The following NUAK1 variants were observed in gnomAD, a reference collection of about 807,000 sequenced individuals.
NUAK1 encodes the protein NUAK family SNF1-like kinase 1.
NUAK1 carries 26 observed loss-of-function variants against 56.9 expected under a neutral mutation model. The ratio of observed to expected loss-of-function variants is 0.46; its 90% CI spans 0.33 to 0.63. NUAK1 has a LOEUF of 0.63. Ranked by LOEUF, NUAK1 falls within the 30% of genes least tolerant of loss-of-function variation. The pLI is 0.02. For missense variants in NUAK1, 727 were observed against 876.1 expected, an observed-to-expected ratio of 0.83 and a Z score of 2.15; for synonymous variants, 337 against 336.0, an observed-to-expected ratio of 1.00 and a Z score of -0.03.
chr12:106,138,763 C>T lies in NUAK1; in HGVS notation c.-110G>A. On this transcript the variant is annotated 5_prime_UTR_variant, in exon 1 of 7. It removes an upstream start codon present in the reference 5' UTR. Coordinates refer to ENST00000261402, the MANE Select transcript of NUAK1 (RefSeq NM_014840.3). This position sits in a 1 kb window ranked among gnomAD's most constrained non-coding sequence, Gnocchi z 5.0. ...TGTACGCTCAAGGTCGCCCCCGCAGCATCAGGGAGGCGGCCCGATACCGCT... is the reference window on the plus strand; with the variant it reads ...TGTACGCTCAAGGTCGCCCCCGCAGTATCAGGGAGGCGGCCCGATACCGCT... 2 of 1,383,370 alleles carry T rather than the reference C, an allele frequency of 1.4e-6. No individual in the cohort carries two copies. The highest frequency in any genetic ancestry group is 1.9e-6 in the Non-Finnish European group (2 of 1,065,068). 85.7% of individuals were successfully genotyped at this position (1,383,370 alleles called of 1,614,324 possible). A position where few individuals can be genotyped will look rare whatever the true frequency, so the allele number is the denominator to read the frequency against.
At chr12:106,095,703 T>C (rs1277211952) in intron 2 of NUAK1, among the ~76,000 whole-genome samples, 5 of 152,172 alleles carry the variant, frequency 3.3e-5, no homozygotes, top group Admixed American at 2.0e-4. Context: ...AAGGCTGCAT[T>C]TGAGACCTTG....
intron 1 of NUAK1, among the ~76,000 whole-genome samples, chr12:106,110,241 C>T (rs753932571): frequency 5.3e-5 from 8 of 152,194 alleles, no homozygotes; most frequent in Non-Finnish European, 1.2e-4. Flanking sequence ...TACTTAAAAT[C>T]AAAACTCAGC....
rs1592848913 is a variant in NUAK1 at position 106,075,283 on chromosome 12, AT to A, written c.580-2441del. 3.6e-5 allele frequency among the ~76,000 whole-genome samples: 5 copies of A among 137,944 alleles called. No homozygotes were observed. In the East Asian group the frequency reaches 8.9e-4, roughly 25 times the overall value. The allele number at this position is 137,944 out of a possible 152,430, so 90.5% of individuals were successfully genotyped here. On this transcript the variant is annotated intron_variant, in intron 4 of 6. Transcript: ENST00000261402. ...GCACTTCGATGGGAAAGCAGTATTA[AT>A]CAACACACACACACACACACACACA...
chr12:106,076,248 TAAG>T (rs999851469), intron 4 of NUAK1, among the ~76,000 whole-genome samples: 2 of 152,162 alleles, frequency 1.3e-5, no homozygotes, highest in African/African-American at 4.8e-5. Context: ...TTCCAGGGCA[TAAG>T]AAGTTTTGCT....
chr12:106,116,604 T>C (rs2032919008), intron 1 of NUAK1, among the ~76,000 whole-genome samples: 1 of 152,206 alleles, frequency 6.6e-6, no homozygotes, highest in Admixed American at 6.5e-5. Flanking sequence ...CATAAATAAA[T>C]AGGAGGTCTG....
chr12:106,114,949 A>G lies in NUAK1; in HGVS notation c.241-8424T>C, dbSNP rs375169847. 5.0e-4 allele frequency among the ~76,000 whole-genome samples: 76 copies of G among 152,322 alleles called. 1 individual carries two copies. The highest frequency in any genetic ancestry group is 1.7e-3 in the African/African-American group (72 of 41,568). On this transcript the variant is annotated intron_variant, in intron 1 of 6. Transcript: ENST00000261402. ...TCACCTCCATCTAATGTCTGTCCTC[A>G]CATAGCTATGCCAGAGACGCTGTTT...
chr12:106,114,198 C>G (rs1487481361), intron 1 of NUAK1, among the ~76,000 whole-genome samples: 2 of 152,232 alleles, frequency 1.3e-5, no homozygotes, highest in Non-Finnish European at 2.9e-5. Context: ...CACTCTGACA[C>G]TGTTTATAAC....
intron 1 of NUAK1, among the ~76,000 whole-genome samples, chr12:106,125,853 C>T (rs2033020556): frequency 6.6e-6 from 1 of 152,162 alleles, no homozygotes; most frequent in Non-Finnish European, 1.5e-5. Flanking sequence ...CCCTGTCTTT[C>T]CAGGCAAACA....
At position 106,065,825 on chromosome 12, in the gene NUAK1, T is replaced by A. The variant is rs1411778495; in HGVS notation, c.*977A>T. On this transcript the variant is annotated 3_prime_UTR_variant, in exon 7 of 7. Coordinates refer to ENST00000261402, the MANE Select transcript of NUAK1 (RefSeq NM_014840.3). ...AGTGACAAGTTGCCTCTTGTTGGTG[T>A]GCATCAACTTCCATTCATCTGTGCA... The A allele has an allele frequency of 1.3e-5, 2 of 152,688 alleles. No individual in the cohort carries two copies. Among genetic ancestry groups the A allele is most frequent in the Admixed American group, 1.3e-4 (2 of 15,292 alleles). The allele number at this position is 152,688 out of a possible 1,614,324, so 9.5% of individuals were successfully genotyped here. A position where few individuals can be genotyped will look rare whatever the true frequency, so the allele number is the denominator to read the frequency against.
At chr12:106,128,679 C>T (rs868254706) in intron 1 of NUAK1, among the ~76,000 whole-genome samples, 2 of 152,164 alleles carry the variant, frequency 1.3e-5, no homozygotes, top group Non-Finnish European at 2.9e-5. Flanking sequence ...GCAGCTGCTA[C>T]CTTTTTTAAA....
At position 106,065,346 on chromosome 12, in the gene NUAK1, C is replaced by T. The variant is rs952212043; in HGVS notation, c.*1456G>A. 6.6e-6 allele frequency: 1 copy of T among 151,992 alleles called. No individual in the cohort carries two copies. Among genetic ancestry groups the T allele is most frequent in the South Asian group, 2.1e-4 (1 of 4,818 alleles). The allele number at this position is 151,992 out of a possible 1,614,324, so 9.4% of individuals were successfully genotyped here. On this transcript the variant is annotated 3_prime_UTR_variant, in exon 7 of 7. Transcript: ENST00000261402. The stretch of plus-strand genomic sequence containing the variant: ...TTACTTTTTAAGATAAGAGTCCTGC[C>T]GCACCTCTTTTCTGTCTCCCCCAGA...
intron 2 of NUAK1, among the ~76,000 whole-genome samples, chr12:106,089,340 C>G (rs1489379883): frequency 6.6e-6 from 1 of 152,242 alleles, no homozygotes; most frequent in Non-Finnish European, 1.5e-5. Context: ...CTCACACAGA[C>G]AGAAGGGCTG....
In NUAK1 at chr12:106,066,972, T is replaced by C. The variant is rs553121163; in HGVS notation, c.1816A>G (p.Asn606Asp). Residue 606 changes from asparagine to aspartate, a missense_variant, in exon 7 of 7, where the codon AAC becomes GAC. Asn to Asp is a conservative substitution (Grantham distance 23). Transcript: ENST00000261402. ...TCAAAGTCCTGGATCTGGAGGAAGT[T>C]TTCTGCAGAGACGCAGCTGCGGATG... is the stretch of plus-strand genomic sequence containing the variant. The part of the protein sequence containing the change: ...QRIRSCVSAE[N>D]FLQIQDFEGL... The C allele has an allele frequency of 2.5e-6, 4 of 1,614,202 alleles. No individual in the cohort carries two copies. Among genetic ancestry groups the C allele is most frequent in the Non-Finnish European group, 3.4e-6 (4 of 1,180,028 alleles).
At chr12:106,076,640 T>C (rs1241117052) in intron 4 of NUAK1, among the ~76,000 whole-genome samples, 3 of 152,222 alleles carry the variant, frequency 2.0e-5, no homozygotes, top group South Asian at 2.1e-4. Context: ...TGCATGAAAA[T>C]TGGGGTTAGA....
intron 2 of NUAK1, among the ~76,000 whole-genome samples, chr12:106,087,372 G>A (rs2032583878): frequency 6.6e-6 from 1 of 152,070 alleles, no homozygotes; most frequent in Non-Finnish European, 1.5e-5. Context: ...TTTTAATGTG[G>A]CCCACCAAGT....
At chr12:106,102,622 A>G (rs1441783826) in intron 2 of NUAK1, among the ~76,000 whole-genome samples, 1 of 152,198 alleles carries the variant, frequency 6.6e-6, no homozygotes, top group Non-Finnish European at 1.5e-5. Flanking sequence ...GTTATGAACT[A>G]TTTGTGATGA....
chr12:106,112,881 T>A (rs2032878151), intron 1 of NUAK1, among the ~76,000 whole-genome samples: 1 of 151,344 alleles, frequency 6.6e-6, no homozygotes, highest in South Asian at 2.1e-4. Context: ...TTGTAAGAGG[T>A]TCTGAAAATT....
chr12:106,078,768 C>T (rs1463110432), intron 4 of NUAK1, among the ~76,000 whole-genome samples: 2 of 152,192 alleles, frequency 1.3e-5, no homozygotes, highest in Non-Finnish European at 2.9e-5. Flanking sequence ...AAAGAGGGCG[C>T]GTCCAAGCAG....
At chr12:106,086,701 A>G in intron 3 of NUAK1, 33 bp downstream of exon 3, 2 of 1,585,320 alleles carry the variant, frequency 1.3e-6, no homozygotes, top group Non-Finnish European at 1.7e-6. Context: ...AAAACCATCT[A>G]CGGCCAAAGC....
Sources: gnomAD v4.1 joint callset for allele counts (sites outside exome capture counted in the v4.1 genomes callset) on GRCh38, gnomAD v4.1.1 for gene constraint, Gnocchi (gnomAD v3.1) non-coding constraint, MANE v1.5 for transcripts, NCBI Gene and HGNC (gene_info 2026-07-23, HGNC 2026-07-21) for gene names.